The following LRP6 variants were observed in gnomAD, a reference collection of about 807,000 sequenced individuals.
The protein encoded by LRP6 is LDL receptor related protein 6, also known as low-density lipoprotein receptor-related protein 6.
Under a neutral mutation model 184.1 loss-of-function variants are expected in LRP6, and 43 were observed. The ratio of observed to expected loss-of-function variants is 0.23; its 90% CI spans 0.18 to 0.30. LRP6 has a LOEUF of 0.30. Among genes scored for constraint, LRP6 ranks in the 10% least tolerant of loss-of-function variants. The probability of loss-of-function intolerance (pLI) is 1.00; values close to 1 mark genes in which losing one functional copy is unlikely to be tolerated. For missense variants in LRP6, 1,571 were observed against 2,005.3 expected, an observed-to-expected ratio of 0.78 and a Z score of 4.14; for synonymous variants, 719 against 684.9, an observed-to-expected ratio of 1.05 and a Z score of -0.78.
chr12:12,125,268 C>T (rs750740852), intron 21 of LRP6, 28 bp downstream of exon 21: 19 of 1,612,584 alleles, frequency 1.2e-5, no homozygotes, highest in East Asian at 6.7e-5. Flanking sequence ...TTATGTATGT[C>T]GCATTCAAAG....
chr12:12,244,525 A>G lies in LRP6; in HGVS notation c.186T>C (p.His62=). ...TGACATCACTCCAGTATATCAAGCCATGACTAAACACAAAGTCCACCGCAG... is the reference window on the plus strand; with the variant it reads ...TGACATCACTCCAGTATATCAAGCCGTGACTAAACACAAAGTCCACCGCAG... ...DAAAVDFVFS[H]GLIYWSDVSE... The change falls in exon 2 of 23, where the codon CAT becomes CAC. Residue 62 remains histidine, a synonymous_variant. Transcript: ENST00000261349. 1 of 1,614,224 alleles carries G rather than the reference A, an allele frequency of 6.2e-7. No homozygotes were observed. The highest frequency in any genetic ancestry group is 8.5e-7 in the Non-Finnish European group (1 of 1,180,044).
intron 7 of LRP6, among the ~76,000 whole-genome samples, chr12:12,168,235 A>G (rs1862941697): frequency 6.6e-6 from 1 of 152,174 alleles, no homozygotes; most frequent in Non-Finnish European, 1.5e-5. Flanking sequence ...ATGTATTACA[A>G]TCTAATTGGG....
chr12:12,246,728 ATTAC>A (rs1464395622), intron 1 of LRP6, among the ~76,000 whole-genome samples: 3 of 152,008 alleles, frequency 2.0e-5, no homozygotes, highest in Admixed American at 6.6e-5. Context: ...TTCTTTCATA[ATTAC>A]TTACTAAGGG....
intron 17 of LRP6, among the ~76,000 whole-genome samples, chr12:12,134,470 T>C (rs1256226247): frequency 2.0e-5 from 3 of 152,324 alleles, no homozygotes; most frequent in Non-Finnish European, 2.9e-5. Context: ...GATACCATCA[T>C]ACTATAATTT....
At chr12:12,140,234 C>T (rs1949909943) in intron 15 of LRP6, among the ~76,000 whole-genome samples, 1 of 151,582 alleles carries the variant, frequency 6.6e-6, no homozygotes, top group African/African-American at 2.4e-5. Context: ...AGGCTGTCTT[C>T]AGAGGGGCAG....
rs1340885031 is a variant in LRP6 at position 12,116,642 on chromosome 12, C to T, written c.*4484G>A. On this transcript the variant is annotated 3_prime_UTR_variant, in exon 23 of 23. Coordinates refer to ENST00000261349, the MANE Select transcript of LRP6 (RefSeq NM_002336.3). ...GTAATTCTCTGGTGTTGCTTCTGGGCAAACCCTAAGTGATGGTGGAGAATC... is the reference window on the plus strand; with the variant it reads ...GTAATTCTCTGGTGTTGCTTCTGGGTAAACCCTAAGTGATGGTGGAGAATC... 2 of 152,176 alleles carry T rather than the reference C, an allele frequency of 1.3e-5. No individual in the cohort carries two copies. Among genetic ancestry groups the T allele is most frequent in the African/African-American group, 4.8e-5 (2 of 41,460 alleles). The allele number at this position is 152,176 out of a possible 1,614,324, so 9.4% of individuals were successfully genotyped here.
chr12:12,235,284 A>G (rs1234448595), intron 2 of LRP6, among the ~76,000 whole-genome samples: 2 of 152,218 alleles, frequency 1.3e-5, no homozygotes, highest in African/African-American at 2.4e-5. Context: ...GGAGAAGACT[A>G]CAATGATAAT....
At chr12:12,243,924 A>T (rs1045293121) in intron 2 of LRP6, among the ~76,000 whole-genome samples, 4 of 151,788 alleles carry the variant, frequency 2.6e-5, no homozygotes, top group Non-Finnish European at 5.9e-5. Context: ...CTAACAAAAA[A>T]TTTTTTTTAG....
rs147072831 is a variant in LRP6 at position 12,204,246 on chromosome 12, G to A, written c.450-846C>T. On this transcript the variant is annotated intron_variant, in intron 2 of 22. Coordinates refer to ENST00000261349, the MANE Select transcript of LRP6 (RefSeq NM_002336.3). ...TCAAGTCGAGAGACACTACAAAACA[G>A]TTGGTCTTTGACAATATCAATGTCA... Among the ~76,000 whole-genome samples, 10 of 125,628 alleles carry A rather than the reference G, an allele frequency of 8.0e-5. No homozygotes were observed. In the East Asian group the frequency reaches 2.7e-3, roughly 34 times the overall value. The allele number at this position is 125,628 out of a possible 152,430, so 82.4% of individuals were successfully genotyped here.
At chr12:12,138,962 T>C (rs756131545) in intron 15 of LRP6, 1 of 1,362,766 alleles carries the variant, frequency 7.3e-7, no homozygotes, top group East Asian at 4.6e-5. Context: ...TTAGAAAAAA[T>C]GACTGACTCA....
chr12:12,173,741 C>A (rs570569693), intron 7 of LRP6, among the ~76,000 whole-genome samples: 2 of 152,162 alleles, frequency 1.3e-5, no homozygotes, highest in African/African-American at 4.8e-5. Flanking sequence ...CACCTCAACC[C>A]TTCCAAAGTG....
rs1949541813 is a variant in LRP6, at chr12:12,118,103, C to T, written c.*3023G>A. The T allele has an allele frequency of 6.6e-6, 1 of 152,124 alleles. No homozygotes were observed. The highest frequency in any genetic ancestry group is 2.1e-4 in the South Asian group (1 of 4,832). The allele number at this position is 152,124 out of a possible 1,614,324, so 9.4% of individuals were successfully genotyped here. ...ATTAAAGTAACTACATAATCTTCTG[C>T]TAAACAGATATCTTGTGATATGCTG... is the stretch of plus-strand genomic sequence containing the variant. On this transcript the variant is annotated 3_prime_UTR_variant, in exon 23 of 23. Transcript: ENST00000261349.
chr12:12,161,571 T>C (rs537382585), intron 10 of LRP6, among the ~76,000 whole-genome samples: 2 of 152,290 alleles, frequency 1.3e-5, no homozygotes, highest in African/African-American at 4.8e-5. Flanking sequence ...ACGCCCGGCC[T>C]GTTGACTTCT....
At chr12:12,122,692 C>T (rs866800250) in intron 22 of LRP6, among the ~76,000 whole-genome samples, 12 of 152,010 alleles carry the variant, frequency 7.9e-5, no homozygotes, top group Non-Finnish European at 1.6e-4. Flanking sequence ...GCTAGCCAGG[C>T]GTGGTGACAC....
At chr12:12,263,363 C>G (rs1591998594) in intron 1 of LRP6, among the ~76,000 whole-genome samples, 1 of 151,398 alleles carries the variant, frequency 6.6e-6, no homozygotes, top group East Asian at 1.9e-4. Context: ...ATCACGAGGT[C>G]AGGAGATGGA....
rs1182585975 is a variant in LRP6, at chr12:12,162,236, C to G, written c.2236G>C (p.Asp746His). 6.2e-7 allele frequency: 1 copy of G among 1,614,192 alleles called. No individual in the cohort carries two copies. Among genetic ancestry groups the G allele is most frequent in the African/African-American group, 1.3e-5 (1 of 75,050 alleles). Residue 746 changes from aspartate to histidine, a missense_variant, in exon 10 of 23, where the codon GAC becomes CAC. Asp to His is a moderately conservative substitution (Grantham distance 81). Coordinates refer to ENST00000261349, the MANE Select transcript of LRP6 (RefSeq NM_002336.3). ...GQHRQVLVWK[D>H]LDSPRALALD... ...GCGAGAGCTCTGGGACTATCTAGGT[C>G]TTTCCACACCAAAACTTGTCGGTGC...
At chr12:12,226,905 A>G (rs1372437317) in intron 2 of LRP6, 1 of 152,234 alleles carries the variant, frequency 6.6e-6, no homozygotes, top group African/African-American at 2.4e-5. Flanking sequence ...CACACAAACT[A>G]ATGTCAGACA....
At chr12:12,262,649 T>C (rs1296760836) in intron 1 of LRP6, among the ~76,000 whole-genome samples, 2 of 152,010 alleles carry the variant, frequency 1.3e-5, no homozygotes, top group Non-Finnish European at 2.9e-5. Flanking sequence ...TCAAAAATAC[T>C]TCCAGCAGAA....
At chr12:12,132,082 A>T (rs1314127746) in intron 17 of LRP6, 25 bp from the exon 18 acceptor site, 1 of 1,504,346 alleles carries the variant, frequency 6.6e-7, no homozygotes, top group Non-Finnish European at 9.3e-7. Flanking sequence ...GGAGAAGGGG[A>T]GTGACAAAAA....
Sources: allele counts gnomAD v4.1 joint callset (sites outside exome capture counted in the v4.1 genomes callset), GRCh38; gene constraint gnomAD v4.1.1; transcripts MANE v1.5; gene names NCBI Gene and HGNC (gene_info 2026-07-23, HGNC 2026-07-21).